EMC4: variants seen among roughly 807,000 people sequenced by gnomAD.
EMC4 encodes cell proliferation-inducing gene 17 protein.
A neutral mutation model predicts 24.2 loss-of-function variants in EMC4; 9 were observed. That is an observed-to-expected ratio of 0.37 (90% CI 0.22 to 0.65). EMC4 has a LOEUF of 0.65. Ranked by LOEUF, EMC4 falls within the 30% of genes least tolerant of loss-of-function variation. The pLI is 0.59. For missense variants in EMC4, 169 were observed against 234.6 expected, an observed-to-expected ratio of 0.72 and a Z score of 1.83; for synonymous variants, 86 against 81.1, an observed-to-expected ratio of 1.06 and a Z score of -0.32.
rs368550740 is a variant in EMC4, at chr15:34,228,556, A to G, written c.483A>G (p.Ala161=). ...CCATGGGACTGTTACCTACACATGCATCGGATTGGTTAGCCTTCATTGAGC... is the reference window on the plus strand; with the variant it reads ...CCATGGGACTGTTACCTACACATGCGTCGGATTGGTTAGCCTTCATTGAGC... ...CQSMGLLPTH[A]SDWLAFIEPP... is the part of the protein sequence containing the mutation. The change falls in exon 4 of 5, where the codon GCA becomes GCG. Residue 161 remains alanine (A), a synonymous_variant. Coordinates refer to ENST00000267750, the MANE Select transcript of EMC4 (RefSeq NM_016454.4). The G allele has an allele frequency of 9.3e-6, 15 of 1,613,808 alleles. No individual in the cohort carries two copies. The African/African-American group carries it at 1.9e-4, about 20-fold the overall frequency.
intron 2 of EMC4, 126 bp from the exon 3 acceptor site, chr15:34,227,567 T>A: frequency 2.0e-6 from 2 of 982,636 alleles, no homozygotes; most frequent in Non-Finnish European, 3.1e-6. Context: ...GTCGTAGAAT[T>A]GAGGAGTCAG....
chr15:34,228,723 GCT>G (rs1890733543), intron 4 of EMC4, 134 bp downstream of exon 4: 1 of 750,602 alleles, frequency 1.3e-6, no homozygotes. Context: ...ACGGAGTATT[GCT>G]CTGTCGCCCA....
chr15:34,225,489 A>G, intron 1 of EMC4, 47 bp from the exon 2 acceptor site: 1 of 1,372,658 alleles, frequency 7.3e-7, no homozygotes, highest in Admixed American at 1.7e-5. Flanking sequence ...ATGTGGGATA[A>G]GAAGTATCGG....
chr15:34,229,073 A>C (rs1890751520), intron 4 of EMC4: 2 of 155,390 alleles, frequency 1.3e-5, no homozygotes, highest in Middle Eastern at 3.3e-3. Context: ...TTTGAGACAG[A>C]GTCTCACTCT....
In EMC4 at chr15:34,227,749, C is replaced by T. The variant is rs1890681980; in HGVS notation, c.258C>T (p.Ile86=). Residue 86 remains isoleucine, a synonymous_variant, in exon 3 of 5, where the codon ATC becomes ATT. Coordinates refer to ENST00000267750, the MANE Select transcript of EMC4 (RefSeq NM_016454.4). ...PLKQIPMNLF[I]MYMAGNTISI... is the part of the protein sequence containing the mutation. Reference sequence around the variant, plus strand: ...AACAGATTCCCATGAATCTCTTCATCATGTACATGGCAGGCAATACTATCT... The same window carrying T: ...AACAGATTCCCATGAATCTCTTCATTATGTACATGGCAGGCAATACTATCT... The T allele has an allele frequency of 6.2e-7, 1 of 1,614,110 alleles. No homozygotes were observed. Among genetic ancestry groups the T allele is most frequent in the South Asian group, 1.1e-5 (1 of 91,082 alleles).
At position 34,225,127 on chromosome 15, in the gene EMC4, G is replaced by C. The variant is rs1890614850; in HGVS notation, c.13G>C (p.Gly5Arg). Residue 5 changes from glycine to arginine, a missense_variant, in exon 1 of 5, where the codon GGG becomes CGG. By Grantham distance (125) the Gly-to-Arg change is moderately radical. Transcript: ENST00000267750. MTAQ[G>R]GLVANRGRRF... Reference sequence around the variant, plus strand: ...CGCAGCTGTTGCCATGACGGCCCAGGGGGGCCTGGTGGCTAACCGAGGCCG... The same window carrying C: ...CGCAGCTGTTGCCATGACGGCCCAGCGGGGCCTGGTGGCTAACCGAGGCCG... The C allele has an allele frequency of 6.4e-7, 1 of 1,551,586 alleles. No homozygotes were observed. Among genetic ancestry groups the C allele is most frequent in the African/African-American group, 1.4e-5 (1 of 73,052 alleles).
At chr15:34,228,625 T>C (rs1448401126) in intron 4 of EMC4, 36 bp downstream of exon 4, 3 of 1,581,406 alleles carry the variant, frequency 1.9e-6, no homozygotes, top group Non-Finnish European at 2.6e-6. Context: ...TGGGTAGTTG[T>C]AGTATACAGT....
intron 2 of EMC4, chr15:34,227,260 A>C (rs1364870737): frequency 6.5e-6 from 1 of 154,528 alleles, no homozygotes; most frequent in African/African-American, 2.4e-5. Context: ...CAAATCTTCT[A>C]TGTCTTGATT....
rs1890814095 is a variant in EMC4, at chr15:34,229,981, A to G, written c.*193A>G. On this transcript the variant is annotated 3_prime_UTR_variant, in exon 5 of 5. Coordinates refer to ENST00000267750, the MANE Select transcript of EMC4 (RefSeq NM_016454.4). ...ATTACGACAAACACAAAGAAACTAT[A>G]CCATAACCCAAGGCTGAAAATAATG... 2.4e-5 allele frequency: 15 copies of G among 621,064 alleles called. No homozygotes were observed. The East Asian group carries it at 4.3e-4, about 18-fold the overall frequency. 38.5% of individuals were successfully genotyped at this position (621,064 alleles called of 1,614,324 possible). A position where few individuals can be genotyped will look rare whatever the true frequency, so the allele number is the denominator to read the frequency against.
In EMC4 at chr15:34,229,652, G is replaced by C. The variant is rs1890783838; in HGVS notation, c.517-101G>C. 9 of 745,528 alleles carry C rather than the reference G, an allele frequency of 1.2e-5. No homozygotes were observed. In the South Asian group the frequency reaches 1.6e-4, roughly 13 times the overall value. The allele number at this position is 745,528 out of a possible 1,614,324, so 46.2% of individuals were successfully genotyped here. A position where few individuals can be genotyped will look rare whatever the true frequency, so the allele number is the denominator to read the frequency against. ...CCTGGAAGTTCTTTTTTAAGGATAG[G>C]CAAAATAGAGCTTGTGGTTAAAGTA... On this transcript the variant is annotated intron_variant, in intron 4 of 4. Transcript: ENST00000267750.
Position 34,227,783 on chromosome 15 carries a change from C to T in EMC4, c.292C>T (p.Pro98Ser). 6.2e-7 allele frequency: 1 copy of T among 1,614,014 alleles called. No individual in the cohort carries two copies. The highest frequency in any genetic ancestry group is 1.1e-5 in the South Asian group (1 of 91,070). Residue 98 changes from proline (P) to serine (S), a missense_variant, in exon 3 of 5, where the codon CCT (proline) becomes TCT (serine). Physicochemically the swap from Pro to Ser is moderately conservative, Grantham distance 74. Coordinates refer to ENST00000267750, the MANE Select transcript of EMC4 (RefSeq NM_016454.4). ...YMAGNTISIF[P>S]TMMVCMMAWR... ...GGCAGGCAATACTATCTCCATCTTC[C>T]CTACTATGATGGTGTGTATGATGGC...
intron 3 of EMC4, chr15:34,228,151 C>T (rs1240676128): frequency 2.1e-6 from 1 of 466,736 alleles, no homozygotes; most frequent in Admixed American, 3.5e-5. Context: ...CCACTGCACT[C>T]CAGCCTGGGT....
chr15:34,225,812 A>C (rs755140224), intron 2 of EMC4, 162 bp downstream of exon 2: 7 of 691,498 alleles, frequency 1.0e-5, no homozygotes, highest in Non-Finnish European at 1.6e-5. Flanking sequence ...CAGCTACAAA[A>C]GTGCTTAATA....
rs997564718 is a variant in EMC4, at chr15:34,229,988, C to T, written c.*200C>T. On this transcript the variant is annotated 3_prime_UTR_variant, in exon 5 of 5. Coordinates refer to ENST00000267750, the MANE Select transcript of EMC4 (RefSeq NM_016454.4). ...CAAACACAAAGAAACTATACCATAA[C>T]CCAAGGCTGAAAATAATGTAGAAAA... 3.8e-5 allele frequency: 23 copies of T among 602,302 alleles called. No individual in the cohort carries two copies. Among genetic ancestry groups the T allele is most frequent in the Non-Finnish European group, 2.9e-6 (1 of 342,678 alleles). 37.3% of individuals were successfully genotyped at this position (602,302 alleles called of 1,614,324 possible).
chr15:34,227,540 C>G, intron 2 of EMC4, 153 bp from the exon 3 acceptor site: 1 of 696,370 alleles, frequency 1.4e-6, no homozygotes, highest in Non-Finnish European at 2.4e-6. Context: ...CCTGTGGCAA[C>G]GTGGAGAAGG....
At position 34,228,478 on chromosome 15, in the gene EMC4, C is replaced by T; in HGVS notation, c.405C>T (p.Val135=). ...SSSQKFLQGL[V]YLIGNLMGLA... ...GCCAGAAGTTTCTTCAGGGTTTGGT[C>T]TATCTCATTGGGAACCTGATGGGTT... The change falls in exon 4 of 5, where the codon GTC becomes GTT. Residue 135 remains valine, a synonymous_variant. Transcript: ENST00000267750. The T allele has an allele frequency of 6.2e-7, 1 of 1,614,096 alleles. No homozygotes were observed. The highest frequency in any genetic ancestry group is 2.2e-5 in the East Asian group (1 of 44,864).
At chr15:34,226,378 C>A (rs11853896) in intron 2 of EMC4, 1 of 154,062 alleles carries the variant, frequency 6.5e-6, no homozygotes. Flanking sequence ...CCTCTCCTTT[C>A]TTCATCAGGC....
rs1009956701 is a variant in EMC4, at chr15:34,225,183, G to C, written c.69G>C (p.Gly23=). The change falls in exon 1 of 5, where the codon GGG becomes GGC. Residue 23 remains glycine, a synonymous_variant. Transcript: ENST00000267750. ...TCAAGTGGGCCATTGAGCTAAGCGG[G>C]CCTGGAGGAGGCAGCAGGTGAGGCA... ...RRFKWAIELS[G]PGGGSRGRSD... The C allele has an allele frequency of 1.3e-6, 2 of 1,551,032 alleles. No individual in the cohort carries two copies. The highest frequency in any genetic ancestry group is 1.7e-6 in the Non-Finnish European group (2 of 1,146,708).
At chr15:34,229,430 A>G (rs1389337238) in intron 4 of EMC4, 3 of 227,860 alleles carry the variant, frequency 1.3e-5, no homozygotes, top group African/African-American at 4.7e-5. Context: ...TGCAGCCTCA[A>G]CCTCCGGGCT....
Sources: gnomAD v4.1 joint callset for allele counts on GRCh38, gnomAD v4.1.1 for gene constraint, MANE v1.5 for transcripts, NCBI Gene and HGNC (gene_info 2026-07-23, HGNC 2026-07-21) for gene names.